CSNK2A2IP: variants seen among roughly 807,000 people sequenced by gnomAD.
The protein encoded by CSNK2A2IP is casein kinase II subunit alpha'-interacting protein.
chr3:88,383,141 G>A, the CSNK2A2IP span, among the ~76,000 whole-genome samples: 1 of 151,426 alleles, frequency 6.6e-6, no homozygotes, highest in Non-Finnish European at 1.5e-5. Context: ...TCTTTTGGAG[G>A]TCCTGTAGAA....
the CSNK2A2IP span, among the ~76,000 whole-genome samples, chr3:88,420,812 G>A: frequency 2.6e-4 from 40 of 152,274 alleles, no homozygotes; most frequent in East Asian, 7.2e-3. Context: ...TGACTATGTA[G>A]AGGCCGATGA....
At chr3:88,433,260 C>T in the CSNK2A2IP span, among the ~76,000 whole-genome samples, 1 of 128,564 alleles carries the variant, frequency 7.8e-6, no homozygotes, top group Admixed American at 7.4e-5. Flanking sequence ...CTATTTATGC[C>T]TTTGTTCTGT....
the CSNK2A2IP span, among the ~76,000 whole-genome samples, chr3:88,463,800 G>C: frequency 6.6e-6 from 1 of 152,046 alleles, no homozygotes; most frequent in Non-Finnish European, 1.5e-5. Flanking sequence ...TCCCATTACT[G>C]GGTATATACC....
the CSNK2A2IP span, among the ~76,000 whole-genome samples, chr3:88,441,712 T>A: frequency 1.2e-4 from 18 of 152,312 alleles, no homozygotes; most frequent in African/African-American, 4.3e-4. Context: ...CATTTCTAGA[T>A]ATAATAGTTG....
the CSNK2A2IP span, among the ~76,000 whole-genome samples, chr3:88,389,544 T>G: frequency 6.6e-6 from 1 of 152,140 alleles, no homozygotes; most frequent in Non-Finnish European, 1.5e-5. Flanking sequence ...AGGAAATGAG[T>G]AAGCAGAGAA....
the CSNK2A2IP span, among the ~76,000 whole-genome samples, chr3:88,394,747 T>C: frequency 1.3e-5 from 2 of 152,242 alleles, no homozygotes; most frequent in Non-Finnish European, 2.9e-5. Context: ...TATTTGCCTT[T>C]CGTGAAAACT....
At chr3:88,341,980 G>C in the CSNK2A2IP span, among the ~76,000 whole-genome samples, 66,512 of 151,752 alleles carry the variant, frequency 0.44, 15,832 homozygotes, top group South Asian at 0.62. Context: ...TTAAATCTAA[G>C]TCATGAAACG....
chr3:88,454,765 C>G, the CSNK2A2IP span, among the ~76,000 whole-genome samples: 15 of 151,886 alleles, frequency 9.9e-5, no homozygotes, highest in Admixed American at 8.5e-4. Context: ...TATCTATCAA[C>G]TCATAGTTAC....
the CSNK2A2IP span, among the ~76,000 whole-genome samples, chr3:88,394,329 C>G: frequency 1.3e-5 from 2 of 152,102 alleles, no homozygotes; most frequent in African/African-American, 4.8e-5. Context: ...TAAGTTTTAG[C>G]AATGGATGGG....
chr3:88,442,618 A>G, the CSNK2A2IP span, among the ~76,000 whole-genome samples: 1 of 152,126 alleles, frequency 6.6e-6, no homozygotes, highest in South Asian at 2.1e-4. Context: ...TATTTCTCAG[A>G]GCAAACTTGA....
chr3:88,397,302 T>C, the CSNK2A2IP span, among the ~76,000 whole-genome samples: 1 of 152,358 alleles, frequency 6.6e-6, no homozygotes, highest in Non-Finnish European at 1.5e-5. Context: ...CTTTTCCTCC[T>C]GAAGTTTCCA....
the CSNK2A2IP span, among the ~76,000 whole-genome samples, chr3:88,408,841 TTTTTTTTGGTGATTTCATGATCCA>T: frequency 3.9e-5 from 6 of 152,020 alleles, no homozygotes; most frequent in African/African-American, 1.4e-4. Flanking sequence ...TTTTAATGTT[TTTTTTTTGGTGATTTCATGATCCA>T]AACCAGTTTT....
At chr3:88,447,618 T>C in the CSNK2A2IP span, among the ~76,000 whole-genome samples, 5 of 152,118 alleles carry the variant, frequency 3.3e-5, no homozygotes, top group African/African-American at 9.6e-5. Flanking sequence ...TATTATTTCA[T>C]TCAATAAAGA....
At chr3:88,339,176 A>T in the CSNK2A2IP span, among the ~76,000 whole-genome samples, 2 of 151,794 alleles carry the variant, frequency 1.3e-5, no homozygotes, top group Non-Finnish European at 2.9e-5. Context: ...CTGTATTTTC[A>T]TACCCATTAA....
At chr3:88,461,261 A>T in the CSNK2A2IP span, among the ~76,000 whole-genome samples, 3 of 152,108 alleles carry the variant, frequency 2.0e-5, no homozygotes, top group Non-Finnish European at 4.4e-5. Context: ...TGTATAAAAA[A>T]TACTAATTTA....
the CSNK2A2IP span, among the ~76,000 whole-genome samples, chr3:88,464,529 A>G: frequency 3.3e-5 from 5 of 151,908 alleles, no homozygotes; most frequent in African/African-American, 4.8e-5. Flanking sequence ...GAAATAATGG[A>G]TAATAATGAA....
At chr3:88,380,177 A>C in the CSNK2A2IP span, among the ~76,000 whole-genome samples, 2 of 152,082 alleles carry the variant, frequency 1.3e-5, no homozygotes, top group Non-Finnish European at 2.9e-5. Flanking sequence ...AATAGAAATA[A>C]ATTATAAGGC....
chr3:88,384,133 C>T, the CSNK2A2IP span, among the ~76,000 whole-genome samples: 1 of 151,954 alleles, frequency 6.6e-6, no homozygotes, highest in Non-Finnish European at 1.5e-5. Context: ...ATAGGGTATA[C>T]TATGGTAAAT....
chr3:88,438,776 C>T, the CSNK2A2IP span, among the ~76,000 whole-genome samples: 9 of 152,122 alleles, frequency 5.9e-5, no homozygotes, highest in Admixed American at 3.3e-4. Flanking sequence ...TCCTGTGTCA[C>T]GTAAGACTCT....
Sources: allele counts gnomAD v4.1 joint callset (sites outside exome capture counted in the v4.1 genomes callset), GRCh38; gene constraint gnomAD v4.1.1; transcripts MANE v1.5; gene names NCBI Gene and HGNC (gene_info 2026-07-23, HGNC 2026-07-21).